Variants in KIAA2012 observed in about 807,000 individuals in gnomAD.
KIAA2012 encodes the protein uncharacterized protein KIAA2012.
In KIAA2012, 125 loss-of-function variants were observed where a neutral mutation model predicts 150.6. The observed-to-expected ratio is 0.83, with a 90% CI of 0.72 to 0.96. The LOEUF is 0.96. Among genes scored for constraint, KIAA2012 ranks in the 40% least tolerant of loss-of-function variants. The pLI, the probability that KIAA2012 is intolerant of heterozygous loss-of-function variation, is 0.00. For missense variants in KIAA2012, 1,219 were observed against 1,354.9 expected (o/e 0.90, Z 1.57); for synonymous variants, 462 against 504.7 (o/e 0.92, Z 1.13).
chr2:202,132,696 G>GTGTA (rs1553556742), intron 12 of KIAA2012, among the ~76,000 whole-genome samples: 61 of 58,084 alleles, frequency 1.1e-3, no homozygotes, highest in African/African-American at 3.9e-3. Context: ...ATATATGTAT[G>GTGTA]TATATATATA....
At chr2:202,174,005 G>A (rs574869331) in intron 15 of KIAA2012, among the ~76,000 whole-genome samples, 8 of 151,928 alleles carry the variant, frequency 5.3e-5, no homozygotes, top group African/African-American at 9.7e-5. Flanking sequence ...TGCTCTTGTC[G>A]CCCAGACTGG....
At chr2:202,171,266 T>C (rs959880947) in intron 15 of KIAA2012, among the ~76,000 whole-genome samples, 1 of 152,132 alleles carries the variant, frequency 6.6e-6, no homozygotes, top group African/African-American at 2.4e-5. Flanking sequence ...TTCAAGCAGT[T>C]TTTTTAAAGG....
At position 202,085,493 on chromosome 2, in the gene KIAA2012, G is replaced by A. The variant is rs115044125; in HGVS notation, c.370-5277G>A. On this transcript the variant is annotated intron_variant, in intron 2 of 23. Transcript: ENST00000498697. ...TGCTGGCTTTGAAGATGGAGGAAAG[G>A]GCCACAAGCCAAGGAATGAAGGTGG... is the stretch of plus-strand genomic sequence containing the variant. 2.9e-3 allele frequency among the ~76,000 whole-genome samples: 437 copies of A among 152,192 alleles called. 1 individual carries two copies. The highest frequency in any genetic ancestry group is 3.7e-3 in the Admixed American group (56 of 15,286).
intron 3 of KIAA2012, among the ~76,000 whole-genome samples, chr2:202,091,661 TA>T (rs1229375022): frequency 6.6e-6 from 1 of 152,118 alleles, no homozygotes; most frequent in Non-Finnish European, 1.5e-5. Context: ...GTACTTCTAC[TA>T]AAAAAAATTC....
intron 12 of KIAA2012, among the ~76,000 whole-genome samples, chr2:202,131,777 T>A (rs533779803): frequency 6.6e-6 from 1 of 152,210 alleles, no homozygotes; most frequent in East Asian, 1.9e-4. Flanking sequence ...ATGGAGAAAC[T>A]GAAGCAACTT....
At chr2:202,188,810 A>G (rs772761087) in intron 18 of KIAA2012, among the ~76,000 whole-genome samples, 11 of 152,220 alleles carry the variant, frequency 7.2e-5, no homozygotes, top group Admixed American at 6.5e-5. Flanking sequence ...GAAGGATGCC[A>G]CAAGTGTTGA....
chr2:202,102,461 C>G (rs1559204608), intron 7 of KIAA2012, among the ~76,000 whole-genome samples: 1 of 152,156 alleles, frequency 6.6e-6, no homozygotes, highest in African/African-American at 2.4e-5. Context: ...ATGATTACTC[C>G]TGTTTTACAG....
At chr2:202,124,985 G>T (rs1226305567) in intron 11 of KIAA2012, among the ~76,000 whole-genome samples, 3 of 152,186 alleles carry the variant, frequency 2.0e-5, no homozygotes, top group African/African-American at 7.2e-5. Context: ...CAGAAGAATT[G>T]CTTGAACCCT....
chr2:202,138,680 G>A (rs556689377), intron 13 of KIAA2012, among the ~76,000 whole-genome samples, 172 bp downstream of exon 13: 3 of 152,248 alleles, frequency 2.0e-5, no homozygotes, highest in African/African-American at 4.8e-5. Context: ...TTTACTCTTA[G>A]ACTTGGAATG....
chr2:202,164,764 T>C (rs545134209), intron 14 of KIAA2012, among the ~76,000 whole-genome samples: 1 of 152,290 alleles, frequency 6.6e-6, no homozygotes, highest in African/African-American at 2.4e-5. Flanking sequence ...CCTGCTTCCT[T>C]CTGCTAGTTG....
chr2:202,184,200 A>G (rs1367626623), intron 15 of KIAA2012, among the ~76,000 whole-genome samples: 1 of 152,048 alleles, frequency 6.6e-6, no homozygotes, highest in Non-Finnish European at 1.5e-5. Flanking sequence ...CCTGGCCAAT[A>G]TGGTGAAACC....
At chr2:202,142,743 T>A (rs1045705128) in intron 13 of KIAA2012, among the ~76,000 whole-genome samples, 6 of 152,122 alleles carry the variant, frequency 3.9e-5, no homozygotes, top group African/African-American at 1.4e-4. Flanking sequence ...TGGAGTTGGT[T>A]AGGTCAGATC....
At chr2:202,093,824 A>G (rs1689795968) in intron 4 of KIAA2012, among the ~76,000 whole-genome samples, 1 of 152,194 alleles carries the variant, frequency 6.6e-6, no homozygotes, top group African/African-American at 2.4e-5. Context: ...GGGGATTGAC[A>G]CTGTCAATCC....
At chr2:202,093,934 C>T (rs1456880366) in intron 4 of KIAA2012, among the ~76,000 whole-genome samples, 1 of 152,180 alleles carries the variant, frequency 6.6e-6, no homozygotes, top group Non-Finnish European at 1.5e-5. Flanking sequence ...TAGGCAAAGA[C>T]GAGAGCCTTG....
intron 10 of KIAA2012, among the ~76,000 whole-genome samples, chr2:202,110,127 C>G (rs1336479522): frequency 6.6e-6 from 1 of 152,166 alleles, no homozygotes; most frequent in Non-Finnish European, 1.5e-5. Context: ...AGCCATAACC[C>G]TTGCCCCCTG....
chr2:202,201,615 T>G, intron 22 of KIAA2012: 1 of 1,610,224 alleles, frequency 6.2e-7, no homozygotes, highest in Non-Finnish European at 8.5e-7. Context: ...AACTGGATAA[T>G]AAGCCATGGG....
intron 19 of KIAA2012, 46 bp from the exon 20 acceptor site, chr2:202,193,255 G>A (rs2105749345): frequency 6.6e-7 from 1 of 1,523,864 alleles, no homozygotes; most frequent in Non-Finnish European, 8.9e-7. Flanking sequence ...TCACTGCTGA[G>A]ACAGACCCAT....
intron 17 of KIAA2012, among the ~76,000 whole-genome samples, chr2:202,187,367 C>T (rs1018025181): frequency 3.9e-5 from 6 of 152,132 alleles, no homozygotes; most frequent in African/African-American, 1.2e-4. Context: ...TGCAGTGGCG[C>T]GGTCTCGGCT....
intron 15 of KIAA2012, chr2:202,179,273 T>C: frequency 1.8e-6 from 2 of 1,141,156 alleles, no homozygotes; most frequent in Non-Finnish European, 2.6e-6. Context: ...TACATACTTG[T>C]GCTTTGGCTC....
Sources: gnomAD v4.1 joint callset for allele counts (sites outside exome capture counted in the v4.1 genomes callset) on GRCh38, gnomAD v4.1.1 for gene constraint, MANE v1.5 for transcripts, NCBI Gene and HGNC (gene_info 2026-07-23, HGNC 2026-07-21) for gene names.